BMPER: variants seen among roughly 807,000 people sequenced by gnomAD.
BMPER encodes BMP-binding endothelial regulator protein.
In BMPER, 45 loss-of-function variants were observed where a neutral mutation model predicts 87.3. That is an observed-to-expected ratio of 0.52 (90% CI 0.41 to 0.66). BMPER has a LOEUF of 0.66. BMPER is among the 30% of genes least tolerant of loss of function. The pLI is 0.00. For missense variants in BMPER, 784 were observed against 867.5 expected, an observed-to-expected ratio of 0.90 and a Z score of 1.21; for synonymous variants, 326 against 316.2, an observed-to-expected ratio of 1.03 and a Z score of -0.33.
chr7:34,014,400 A>G (rs1387369124), intron 6 of BMPER, among the ~76,000 whole-genome samples: 2 of 151,952 alleles, frequency 1.3e-5, no homozygotes, highest in African/African-American at 4.8e-5. Context: ...ATACTAGAGC[A>G]AAGAGAGGAG....
chr7:34,043,263 C>G (rs6945116), intron 6 of BMPER, among the ~76,000 whole-genome samples: 15,602 of 152,224 alleles, frequency 0.1, 886 homozygotes, highest in African/African-American at 0.16. Flanking sequence ...TTGCAGGGAT[C>G]TGGCAGGTAG....
At chr7:33,983,363 G>T (rs967953570) in intron 6 of BMPER, among the ~76,000 whole-genome samples, 1 of 152,038 alleles carries the variant, frequency 6.6e-6, no homozygotes, top group East Asian at 1.9e-4. Flanking sequence ...GCACAACAGG[G>T]AAAAAAGTTG....
In BMPER at chr7:33,966,560, A is replaced by G. The variant is rs561982701; in HGVS notation, c.401A>G (p.Gln134Arg). Residue 134 changes from glutamine to arginine, a missense_variant and splice_region_variant, in exon 4 of 15, where the codon CAG becomes CGG. Coordinates refer to ENST00000649409, the MANE Select transcript of BMPER (RefSeq NM_001365308.1). Reference sequence around the variant, plus strand: ...GAGCCTTGTGTTCTACGCCAGTGCCAGGTAAAGTTCAATTATTTCTCTCTC... The same window carrying G: ...GAGCCTTGTGTTCTACGCCAGTGCCGGGTAAAGTTCAATTATTTCTCTCTC... ...PAEPCVLRQC[Q>R]EGVVTESGVR... is the part of the protein sequence containing the mutation. 4 of 1,613,128 alleles carry G rather than the reference A, an allele frequency of 2.5e-6. No individual in the cohort carries two copies. The East Asian group carries it at 6.7e-5, about 27-fold the overall frequency.
chr7:34,046,480 T>C (rs1454671837), intron 7 of BMPER, 75 bp downstream of exon 7: 7 of 1,480,136 alleles, frequency 4.7e-6, no homozygotes, highest in Non-Finnish European at 6.6e-6. Context: ...TTATCCACGT[T>C]GTTGTTTTGA....
chr7:33,979,836 ACT>A (rs1007436007), intron 6 of BMPER, among the ~76,000 whole-genome samples: 11 of 151,994 alleles, frequency 7.2e-5, no homozygotes, highest in Non-Finnish European at 1.2e-4. Context: ...ACTTAGTTAC[ACT>A]CTCTGAATTT....
chr7:33,965,922 T>A (rs1785395487), intron 3 of BMPER, among the ~76,000 whole-genome samples: 1 of 152,236 alleles, frequency 6.6e-6, no homozygotes, highest in African/African-American at 2.4e-5. Flanking sequence ...CTAAAAGTAA[T>A]ATAAAAAGTA....
intron 6 of BMPER, among the ~76,000 whole-genome samples, chr7:34,025,090 C>T (rs368399824): frequency 1.5e-4 from 23 of 152,112 alleles, no homozygotes; most frequent in African/African-American, 4.6e-4. Flanking sequence ...GTAGACTTCA[C>T]GCAAATTGTT....
At position 34,041,873 on chromosome 7, in the gene BMPER, C is replaced by T. The variant is rs148412375; in HGVS notation, c.577-4433C>T. On this transcript the variant is annotated intron_variant, in intron 6 of 14. Transcript: ENST00000649409. Reference sequence around the variant, plus strand: ...GAAGAGTGTAGCTGAGTCATTGTAACGGGTTAGCACTGCACTACTCTGCTC... The same window carrying T: ...GAAGAGTGTAGCTGAGTCATTGTAATGGGTTAGCACTGCACTACTCTGCTC... Among the ~76,000 whole-genome samples the T allele has an allele frequency of 9.9e-3, 1,511 of 152,090 alleles. 15 individuals carry two copies. Among genetic ancestry groups the T allele is most frequent in the Non-Finnish European group, 0.016 (1,088 of 67,994 alleles).
intron 2 of BMPER, 140 bp downstream of exon 2, chr7:33,907,043 T>G (rs533245684): frequency 2.4e-6 from 2 of 832,384 alleles, no homozygotes; most frequent in Non-Finnish European, 3.9e-6. Flanking sequence ...GTTTGTGAGT[T>G]GAATCCAGTT....
In BMPER at chr7:34,062,048, G is replaced by C; in HGVS notation, c.1078+1G>C. On this transcript the variant is annotated splice_donor_variant, in intron 11 of 14. Transcript: ENST00000649409. LOFTEE classifies it high-confidence loss of function. ...GGATGCTGTCCTATTTGCACTGAAA[G>C]TAAGTTTATTCCTTTGAAAATGTGC... The C allele has an allele frequency of 2.5e-6, 4 of 1,610,500 alleles. No homozygotes were observed. Among genetic ancestry groups the C allele is most frequent in the Non-Finnish European group, 3.4e-6 (4 of 1,178,190 alleles).
At chr7:34,057,636 A>G (rs1788319070) in intron 9 of BMPER, among the ~76,000 whole-genome samples, 1 of 152,150 alleles carries the variant, frequency 6.6e-6, no homozygotes, top group Non-Finnish European at 1.5e-5. Flanking sequence ...CATCTCAATT[A>G]ACTATTGGTG....
At chr7:34,143,541 G>A (rs562233695) in intron 14 of BMPER, among the ~76,000 whole-genome samples, 181 bp downstream of exon 14, 2 of 152,316 alleles carry the variant, frequency 1.3e-5, no homozygotes, top group South Asian at 4.1e-4. Context: ...ACTGGGCAAG[G>A]TAGACAGCAC....
intron 7 of BMPER, among the ~76,000 whole-genome samples, chr7:34,050,227 G>T (rs1788113106): frequency 6.6e-6 from 1 of 152,144 alleles, no homozygotes. Context: ...AAGAGTTTTT[G>T]GTTGTATGCT....
chr7:34,122,154 T>C (rs780305203), intron 13 of BMPER, among the ~76,000 whole-genome samples: 2 of 152,066 alleles, frequency 1.3e-5, no homozygotes, highest in Non-Finnish European at 2.9e-5. Flanking sequence ...CTACTGCCTC[T>C]CAAAGCTTGT....
chr7:34,092,798 A>C (rs557490884), intron 13 of BMPER, among the ~76,000 whole-genome samples: 1 of 152,388 alleles, frequency 6.6e-6, no homozygotes, highest in Admixed American at 6.5e-5. Flanking sequence ...GAATTCATTC[A>C]GAAAGGTATG....
intron 11 of BMPER, among the ~76,000 whole-genome samples, chr7:34,068,555 T>A (rs1458663145): frequency 2.1e-5 from 3 of 141,120 alleles, no homozygotes; most frequent in African/African-American, 8.6e-5. Context: ...GTGGTTGGTA[T>A]GCTCTGAGCT....
At position 34,154,638 on chromosome 7, in the gene BMPER, A is replaced by G. The variant is rs1199966118; in HGVS notation, c.*1365A>G. 6.6e-6 allele frequency: 1 copy of G among 152,246 alleles called. No homozygotes were observed. Among genetic ancestry groups the G allele is most frequent in the Non-Finnish European group, 1.5e-5 (1 of 68,040 alleles). The allele number at this position is 152,246 out of a possible 1,614,324, so 9.4% of individuals were successfully genotyped here. On this transcript the variant is annotated 3_prime_UTR_variant, in exon 15 of 15. Coordinates refer to ENST00000649409, the MANE Select transcript of BMPER (RefSeq NM_001365308.1). Reference sequence around the variant, plus strand: ...TATATAAAGACTATTATTAATAGACAAAAGCAAACCCACGTTTTTGACAAG... The same window carrying G: ...TATATAAAGACTATTATTAATAGACGAAAGCAAACCCACGTTTTTGACAAG...
chr7:34,045,545 T>C (rs1042126063), intron 6 of BMPER, among the ~76,000 whole-genome samples: 1 of 152,136 alleles, frequency 6.6e-6, no homozygotes, highest in South Asian at 2.1e-4. Context: ...AGGGAAAATA[T>C]TCAGAGACTC....
At chr7:33,994,442 G>C (rs185699032) in intron 6 of BMPER, among the ~76,000 whole-genome samples, 8 of 152,176 alleles carry the variant, frequency 5.3e-5, no homozygotes, top group Non-Finnish European at 1.0e-4. Context: ...GACCCCTTGC[G>C]CTTCCCAAGT....
Sources: allele counts gnomAD v4.1 joint callset (sites outside exome capture counted in the v4.1 genomes callset), GRCh38; gene constraint gnomAD v4.1.1; transcripts MANE v1.5; gene names NCBI Gene and HGNC (gene_info 2026-07-23, HGNC 2026-07-21).